The following RYR2 variants were observed in gnomAD, a reference collection of about 807,000 sequenced individuals.
RYR2 encodes cardiac muscle ryanodine receptor-calcium release channel.
RYR2 carries 227 observed loss-of-function variants against 601.1 expected under a neutral mutation model. The observed-to-expected ratio is 0.38, with a 90% confidence interval of 0.34 to 0.42. The LOEUF (loss-of-function observed/expected upper bound fraction) is 0.42, where lower values mean the gene tolerates loss of function less well. RYR2 is among the 10% of genes least tolerant of loss of function. The pLI, the probability that RYR2 is intolerant of heterozygous loss-of-function variation, is 1.00. For missense variants in RYR2, 4,646 were observed against 6,156.5 expected, an observed-to-expected ratio of 0.75 and a Z score of 8.21; for synonymous variants, 2,223 against 2,175.1, an observed-to-expected ratio of 1.02 and a Z score of -0.61.
intron 1 of RYR2, among the ~76,000 whole-genome samples, chr1:237,262,126 G>C (rs1398443456): frequency 1.3e-5 from 2 of 151,802 alleles, no homozygotes; most frequent in East Asian, 3.9e-4. Context: ...TACTGTTCCA[G>C]CAGACTTGGC....
chr1:237,436,602 G>A lies in RYR2; in HGVS notation c.1006-4717G>A, dbSNP rs141725872. 6.6e-5 allele frequency among the ~76,000 whole-genome samples: 10 copies of A among 150,558 alleles called. No individual in the cohort carries two copies. In the East Asian group the frequency reaches 7.8e-4, roughly 12 times the overall value. Reference sequence around the variant, plus strand: ...GACCAACTATTCTGGGCTGCAGTGCGGCACCATAAAGGAGCAAATAAAAAA... The same window carrying A: ...GACCAACTATTCTGGGCTGCAGTGCAGCACCATAAAGGAGCAAATAAAAAA... On this transcript the variant is annotated intron_variant, in intron 12 of 104. Transcript: ENST00000366574.
intron 74 of RYR2, 92 bp downstream of exon 74, chr1:237,723,354 A>G (rs1378347993): frequency 1.8e-5 from 17 of 933,400 alleles, no homozygotes; most frequent in African/African-American, 4.9e-5. Flanking sequence ...ACTATGACCC[A>G]AGAAACATAT....
At chr1:237,281,284 G>A (rs1329074572) in intron 2 of RYR2, among the ~76,000 whole-genome samples, 3 of 152,118 alleles carry the variant, frequency 2.0e-5, no homozygotes, top group East Asian at 1.9e-4. Flanking sequence ...GATGCCTTAC[G>A]CCTTATGATG....
At chr1:237,331,757 G>A (rs964643678) in intron 3 of RYR2, among the ~76,000 whole-genome samples, 6 of 150,728 alleles carry the variant, frequency 4.0e-5, no homozygotes, top group African/African-American at 1.2e-4. Context: ...CTCGTGATCT[G>A]CCCACCTTGG....
At chr1:237,184,431 A>G (rs1186470817) in intron 1 of RYR2, among the ~76,000 whole-genome samples, 1 of 151,978 alleles carries the variant, frequency 6.6e-6, no homozygotes, top group Non-Finnish European at 1.5e-5. Flanking sequence ...TGACAAGAGA[A>G]GAACTACTTT....
chr1:237,353,548 A>G (rs1287385402), intron 3 of RYR2, among the ~76,000 whole-genome samples: 1 of 150,636 alleles, frequency 6.6e-6, no homozygotes, highest in Non-Finnish European at 1.5e-5. Flanking sequence ...AAAAATAGAG[A>G]TGTCATTTGA....
rs547798470 is a variant in RYR2, at chr1:237,150,565, A to T, written c.48+107996A>T. 2.0e-5 allele frequency among the ~76,000 whole-genome samples: 3 copies of T among 152,356 alleles called. No homozygotes were observed. In the East Asian group the frequency reaches 5.8e-4, roughly 29 times the overall value. ...GAAAAGAACTGAAAACAATGACAACAACAACAACAAAAACACAAAGAACAC... is the reference window on the plus strand; with the variant it reads ...GAAAAGAACTGAAAACAATGACAACTACAACAACAAAAACACAAAGAACAC... On this transcript the variant is annotated intron_variant, in intron 1 of 104. Coordinates refer to ENST00000366574, the MANE Select transcript of RYR2 (RefSeq NM_001035.3).
intron 1 of RYR2, among the ~76,000 whole-genome samples, chr1:237,111,519 C>T (rs1026304580): frequency 2.8e-5 from 4 of 140,858 alleles, no homozygotes; most frequent in Non-Finnish European, 4.5e-5. Context: ...ACCTGGGAGG[C>T]GGAGGTTGCA....
rs1180159979 is a variant in RYR2 at position 237,660,858 on chromosome 1, C to T, written c.8347C>T (p.Leu2783=). 2 of 1,546,880 alleles carry T rather than the reference C, an allele frequency of 1.3e-6. No homozygotes were observed. The highest frequency in any genetic ancestry group is 1.7e-6 in the Non-Finnish European group (2 of 1,144,198). Residue 2783 remains leucine, a synonymous_variant, in exon 56 of 105, where the codon CTG becomes TTG. Transcript: ENST00000366574. Reference sequence around the variant, plus strand: ...AATCAAAGAATCTTTAAAAACTATGCTGGCTTGGGGCTGGAGAATTGAAAG... The same window carrying T: ...AATCAAAGAATCTTTAAAAACTATGTTGGCTTGGGGCTGGAGAATTGAAAG... The part of the protein sequence containing the change: ...WPIKESLKTM[L]AWGWRIERTR...
In RYR2 at chr1:237,707,190, C is replaced by T. The variant is rs1310079480; in HGVS notation, c.9822C>T (p.Asn3274=). 1.2e-6 allele frequency: 2 copies of T among 1,612,606 alleles called. No individual in the cohort carries two copies. Among genetic ancestry groups the T allele is most frequent in the Admixed American group, 1.7e-5 (1 of 59,966 alleles). ...CAGCCCTGAACTCAGAGCACATGAACACACTTCTAGGGAACATATTGAAAA... is the reference window on the plus strand; with the variant it reads ...CAGCCCTGAACTCAGAGCACATGAATACACTTCTAGGGAACATATTGAAAA... The part of the protein sequence containing the change: ...CCTALNSEHM[N]TLLGNILKII... The change falls in exon 68 of 105, where the codon AAC becomes AAT. Residue 3274 remains asparagine (N), a synonymous_variant. Transcript: ENST00000366574.
At chr1:237,480,126 T>C (rs1661870675) in intron 17 of RYR2, among the ~76,000 whole-genome samples, 1 of 152,026 alleles carries the variant, frequency 6.6e-6, no homozygotes, top group African/African-American at 2.4e-5. Flanking sequence ...AACAGCAAGA[T>C]AGGCATATCT....
intron 10 of RYR2, among the ~76,000 whole-genome samples, chr1:237,401,532 T>C (rs1315711160): frequency 6.6e-6 from 1 of 151,922 alleles, no homozygotes; most frequent in Non-Finnish European, 1.5e-5. Flanking sequence ...AATGAAGAGA[T>C]CCATAGGATG....
chr1:237,417,070 C>G lies in RYR2; in HGVS notation c.795C>G (p.Gly265=), dbSNP rs189449390. Residue 265 remains glycine, a synonymous_variant, in exon 11 of 105, where the codon GGC becomes GGG. Coordinates refer to ENST00000366574, the MANE Select transcript of RYR2 (RefSeq NM_001035.3). ...ACAGAACTGTTCATTATGAAGGTGG[C>G]GCTGTGTCTGTTCATGCACGTTCCC... The part of the protein sequence containing the change: ...EQRRTVHYEG[G]AVSVHARSLW... 1 of 1,613,532 alleles carries G rather than the reference C, an allele frequency of 6.2e-7. No homozygotes were observed. The highest frequency in any genetic ancestry group is 1.3e-5 in the African/African-American group (1 of 74,822).
Position 237,593,540 on chromosome 1 carries a change from C to T in RYR2, c.4340C>T (p.Thr1447Ile), listed in dbSNP as rs759197026. Residue 1447 changes from threonine (T) to isoleucine (I), a missense_variant, in exon 33 of 105, where the codon ACA becomes ATA. By Grantham distance (89) the Thr-to-Ile change is moderately conservative. Coordinates refer to ENST00000366574, the MANE Select transcript of RYR2 (RefSeq NM_001035.3). The stretch of plus-strand genomic sequence containing the variant: ...GCTAATGTCTGGGTGGGCTGGATTA[C>T]ATCAGATTTCCATCAGTATGACACA... ...EPANVWVGWI[T>I]SDFHQYDTGF... 2 of 1,613,878 alleles carry T rather than the reference C, an allele frequency of 1.2e-6. No individual in the cohort carries two copies. The highest frequency in any genetic ancestry group is 1.1e-5 in the South Asian group (1 of 91,078).
chr1:237,339,590 C>A (rs1697573084), intron 3 of RYR2, among the ~76,000 whole-genome samples: 1 of 152,054 alleles, frequency 6.6e-6, no homozygotes, highest in South Asian at 2.1e-4. Context: ...ACTGTCTTGT[C>A]ATCTTTTACC....
chr1:237,047,027 C>T (rs1272555209), intron 1 of RYR2, among the ~76,000 whole-genome samples: 1 of 152,178 alleles, frequency 6.6e-6, no homozygotes, highest in Non-Finnish European at 1.5e-5. Flanking sequence ...GAAAACATTA[C>T]CCTGTCCACC....
chr1:237,090,041 G>A (rs1396357917), intron 1 of RYR2, among the ~76,000 whole-genome samples: 2 of 152,186 alleles, frequency 1.3e-5, no homozygotes, highest in East Asian at 3.9e-4. Context: ...CGGCAGGAGA[G>A]AGAATGAGTG....
At chr1:237,081,206 AC>A (rs1397770085) in intron 1 of RYR2, among the ~76,000 whole-genome samples, 1 of 130,468 alleles carries the variant, frequency 7.7e-6, no homozygotes, top group African/African-American at 2.9e-5. Flanking sequence ...GGTGCAGCGC[AC>A]CAGCATGGCA....
At chr1:237,389,449 A>T (rs1031400565) in intron 10 of RYR2, among the ~76,000 whole-genome samples, 29 of 152,126 alleles carry the variant, frequency 1.9e-4, no homozygotes, top group African/African-American at 6.8e-4. Context: ...TAAAATAATA[A>T]CTCTGTTAGG....
Sources: allele counts gnomAD v4.1 joint callset (sites outside exome capture counted in the v4.1 genomes callset), GRCh38; gene constraint gnomAD v4.1.1; transcripts MANE v1.5; gene names NCBI Gene and HGNC (gene_info 2026-07-23, HGNC 2026-07-21).